Variants in RIMS1 observed in about 807,000 individuals in gnomAD.
RIMS1 encodes the protein regulating synaptic membrane exocytosis protein 1.
A neutral mutation model predicts 214.1 loss-of-function variants in RIMS1; 83 were observed. That is an observed-to-expected ratio of 0.39 (90% confidence interval 0.32 to 0.47). The LOEUF (loss-of-function observed/expected upper bound fraction) is 0.47. Ranked by LOEUF, RIMS1 falls within the 20% of genes least tolerant of loss-of-function variation. The probability of loss-of-function intolerance (pLI) is 0.99; values close to 1 mark genes in which losing one functional copy is unlikely to be tolerated. For missense variants in RIMS1, 2,050 were observed against 2,161.8 expected, an observed-to-expected ratio of 0.95 and a Z score of 1.03; for synonymous variants, 793 against 786.8, an observed-to-expected ratio of 1.01 and a Z score of -0.13.
At chr6:72,341,578 A>T (rs1422737118) in intron 29 of RIMS1, among the ~76,000 whole-genome samples, 1 of 151,894 alleles carries the variant, frequency 6.6e-6, no homozygotes. Flanking sequence ...CTGTATCTGC[A>T]GTACTATCCC....
chr6:72,182,141 C>T, intron 5 of RIMS1, 143 bp from the exon 6 acceptor site: 2 of 834,142 alleles, frequency 2.4e-6, no homozygotes, highest in Non-Finnish European at 3.6e-6. Context: ...ATTCCAACAC[C>T]CTTACAGTTC....
At chr6:72,241,938 T>C (rs1350557203) in intron 9 of RIMS1, among the ~76,000 whole-genome samples, 1 of 152,170 alleles carries the variant, frequency 6.6e-6, no homozygotes, top group African/African-American at 2.4e-5. Context: ...CCGCCTACAT[T>C]TATTATATGG....
chr6:72,280,867 A>G (rs1228851124), intron 23 of RIMS1, among the ~76,000 whole-genome samples: 1 of 152,114 alleles, frequency 6.6e-6, no homozygotes, highest in African/African-American at 2.4e-5. Flanking sequence ...AGTAATGCAA[A>G]AAACATAGTC....
chr6:71,958,309 A>G (rs1275490179), intron 1 of RIMS1, among the ~76,000 whole-genome samples: 1 of 152,172 alleles, frequency 6.6e-6, no homozygotes, highest in African/African-American at 2.4e-5. Flanking sequence ...GCTGTGGAAC[A>G]CACTACCATT....
At chr6:72,014,775 T>C (rs1812131754) in intron 2 of RIMS1, among the ~76,000 whole-genome samples, 1 of 152,240 alleles carries the variant, frequency 6.6e-6, no homozygotes, top group African/African-American at 2.4e-5. Flanking sequence ...ATCTTGATTT[T>C]AGCTATCTTA....
intron 3 of RIMS1, among the ~76,000 whole-genome samples, chr6:72,098,563 G>A (rs574613007): frequency 1.4e-4 from 22 of 152,210 alleles, no homozygotes; most frequent in Admixed American, 4.6e-4. Flanking sequence ...CCAAAGGGCT[G>A]GGATTACAGG....
chr6:72,141,452 G>A (rs1198650645), intron 4 of RIMS1, among the ~76,000 whole-genome samples: 1 of 151,822 alleles, frequency 6.6e-6, no homozygotes, highest in Non-Finnish European at 1.5e-5. Context: ...ATCCATTATT[G>A]TGACACTTGG....
chr6:72,273,251 G>C (rs1281188340), intron 22 of RIMS1, among the ~76,000 whole-genome samples: 1 of 151,964 alleles, frequency 6.6e-6, no homozygotes, highest in African/African-American at 2.4e-5. Flanking sequence ...AGTTATATCT[G>C]GCAAGTTTTC....
intron 26 of RIMS1, among the ~76,000 whole-genome samples, chr6:72,296,729 C>G (rs1182138535): frequency 6.6e-6 from 1 of 151,666 alleles, no homozygotes; most frequent in Non-Finnish European, 1.5e-5. Flanking sequence ...TACATTTTCT[C>G]AATATTTGAA....
intron 1 of RIMS1, among the ~76,000 whole-genome samples, chr6:71,933,210 C>T (rs544648805): frequency 2.0e-5 from 3 of 152,228 alleles, no homozygotes; most frequent in South Asian, 4.1e-4. Context: ...ATTTCTGGGG[C>T]TATGTCTGTT....
At chr6:72,050,243 C>A (rs1289645348) in intron 2 of RIMS1, among the ~76,000 whole-genome samples, 2 of 152,060 alleles carry the variant, frequency 1.3e-5, no homozygotes, top group East Asian at 3.9e-4. Flanking sequence ...TTTTGATTGA[C>A]AACTCTCAAC....
chr6:72,049,526 T>G (rs1422435970), intron 2 of RIMS1, among the ~76,000 whole-genome samples: 1 of 152,208 alleles, frequency 6.6e-6, no homozygotes, highest in Non-Finnish European at 1.5e-5. Flanking sequence ...GGATTAAGTG[T>G]CATTGCTTAA....
chr6:72,015,351 A>G (rs1812332968), intron 2 of RIMS1, among the ~76,000 whole-genome samples: 1 of 152,134 alleles, frequency 6.6e-6, no homozygotes, highest in Non-Finnish European at 1.5e-5. Context: ...TCCAAACTGT[A>G]TAACTGATTT....
chr6:72,274,344 A>G lies in RIMS1; in HGVS notation c.3399-5A>G. The G allele has an allele frequency of 6.2e-7, 1 of 1,606,104 alleles. No individual in the cohort carries two copies. The highest frequency in any genetic ancestry group is 1.1e-5 in the South Asian group (1 of 90,556). On this transcript the variant is annotated splice_polypyrimidine_tract_variant and splice_region_variant and intron_variant, in intron 22 of 33. Transcript: ENST00000521978. The stretch of plus-strand genomic sequence containing the variant: ...TTTTTCCTGTCTTGTTCACTGGGCA[A>G]ACAGGGGTAGATGGTCCCCCTCCCT...
chr6:72,121,478 C>T, intron 4 of RIMS1, among the ~76,000 whole-genome samples: 1 of 151,802 alleles, frequency 6.6e-6, no homozygotes, highest in Non-Finnish European at 1.5e-5. Context: ...TATAGGAATG[C>T]TTGTGATTTT....
intron 12 of RIMS1, among the ~76,000 whole-genome samples, chr6:72,249,766 C>T (rs2072221089): frequency 2.0e-5 from 3 of 151,938 alleles, no homozygotes; most frequent in Admixed American, 1.3e-4. Context: ...GAGACCATGT[C>T]TCTAAAAAAT....
intron 13 of RIMS1, 43 bp downstream of exon 13, chr6:72,250,503 T>A: frequency 7.4e-7 from 1 of 1,353,238 alleles, no homozygotes; most frequent in African/African-American, 1.5e-5. Flanking sequence ...AAATCTGTAC[T>A]AATAGAAAAG....
At chr6:72,289,179 C>T (rs776190371) in intron 24 of RIMS1, among the ~76,000 whole-genome samples, 8 of 152,078 alleles carry the variant, frequency 5.3e-5, no homozygotes, top group African/African-American at 7.2e-5. Flanking sequence ...TTGTAATATC[C>T]GTGAAATTTC....
Position 72,250,323 on chromosome 6 carries a change from C to T in RIMS1, c.2242-7C>T. ...TTACAAATAATTCCTTTCCTCATTG[C>T]TCCTAGGTGAAGTTGTGGTATGATA... On this transcript the variant is annotated splice_polypyrimidine_tract_variant and splice_region_variant and intron_variant, in intron 12 of 33. Transcript: ENST00000521978. 6.2e-7 allele frequency: 1 copy of T among 1,600,492 alleles called. No individual in the cohort carries two copies. The highest frequency in any genetic ancestry group is 8.5e-7 in the Non-Finnish European group (1 of 1,174,874).
Sources: gnomAD v4.1 joint callset for allele counts (sites outside exome capture counted in the v4.1 genomes callset) on GRCh38, gnomAD v4.1.1 for gene constraint, MANE v1.5 for transcripts, NCBI Gene and HGNC (gene_info 2026-07-23, HGNC 2026-07-21) for gene names.